The following LRRIQ3 variants were observed in gnomAD, a reference collection of about 807,000 sequenced individuals.
LRRIQ3 encodes leucine-rich repeat and IQ domain-containing protein 3.
LRRIQ3 carries 75 observed loss-of-function variants against 59.3 expected under a neutral mutation model. The observed-to-expected ratio is 1.26, with a 90% CI of 1.05 to 1.53. The LOEUF (loss-of-function observed/expected upper bound fraction) is 1.53. LRRIQ3 is among the 40% of genes most tolerant of loss of function. The probability of loss-of-function intolerance (pLI) is 0.00; values close to 1 mark genes in which losing one functional copy is unlikely to be tolerated. For synonymous variants in LRRIQ3, 250 were observed against 231.3 expected, an observed-to-expected ratio of 1.08 and a Z score of -0.73; for missense variants, 831 against 710.0, an observed-to-expected ratio of 1.17 and a Z score of -1.94.
intron 5 of LRRIQ3, among the ~76,000 whole-genome samples, chr1:74,090,513 T>C (rs979681098): frequency 2.0e-5 from 3 of 151,966 alleles, no homozygotes; most frequent in Non-Finnish European, 4.4e-5. Context: ...GAAAATAAAA[T>C]TTGGAGAGTA....
rs1296509239 is a variant in LRRIQ3 at position 74,161,522 on chromosome 1, T to A, written c.574-5656A>T. ...GTGGCTTAGGATTAAAGGGGTTGAGTGTAATGATGTAAAAGTGCATAAGTG... is the reference window on the plus strand; with the variant it reads ...GTGGCTTAGGATTAAAGGGGTTGAGAGTAATGATGTAAAAGTGCATAAGTG... On this transcript the variant is annotated intron_variant, in intron 3 of 7. Transcript: ENST00000354431. 2.6e-5 allele frequency among the ~76,000 whole-genome samples: 4 copies of A among 151,868 alleles called. No individual in the cohort carries two copies. The Admixed American group carries it at 2.6e-4, about 10-fold the overall frequency.
intron 2 of LRRIQ3, 92 bp downstream of exon 2, chr1:74,183,344 G>T: frequency 8.9e-7 from 1 of 1,122,350 alleles, no homozygotes; most frequent in Non-Finnish European, 1.2e-6. Flanking sequence ...AAAAGACCAT[G>T]TTGAAGAAAT....
At chr1:74,098,460 C>T (rs1646481482) in intron 5 of LRRIQ3, among the ~76,000 whole-genome samples, 2 of 152,206 alleles carry the variant, frequency 1.3e-5, no homozygotes, top group Admixed American at 6.5e-5. Context: ...TAATGTGAGA[C>T]TTTAACTCCC....
intron 5 of LRRIQ3, among the ~76,000 whole-genome samples, chr1:74,088,126 A>G (rs1276113053): frequency 1.3e-5 from 2 of 151,880 alleles, no homozygotes; most frequent in African/African-American, 4.8e-5. Context: ...AAAAAAAAAC[A>G]ATTGTCTCTC....
At chr1:74,160,751 G>A (rs893533163) in intron 3 of LRRIQ3, among the ~76,000 whole-genome samples, 3 of 152,024 alleles carry the variant, frequency 2.0e-5, no homozygotes, top group South Asian at 4.1e-4. Context: ...GCTCTCACAC[G>A]AGTCCTATCA....
chr1:74,179,322 C>G (rs1649839735), intron 3 of LRRIQ3, among the ~76,000 whole-genome samples: 1 of 151,852 alleles, frequency 6.6e-6, no homozygotes, highest in Admixed American at 6.6e-5. Flanking sequence ...TTTTATGTCA[C>G]AATTAAGGAT....
intron 1 of LRRIQ3, among the ~76,000 whole-genome samples, chr1:74,184,349 T>C (rs1395439846): frequency 6.6e-6 from 1 of 152,144 alleles, no homozygotes; most frequent in Admixed American, 6.5e-5. Context: ...ACAGTATTTC[T>C]CATATATGTG....
chr1:74,030,955 A>G (rs1288313352), intron 7 of LRRIQ3, among the ~76,000 whole-genome samples: 1 of 152,216 alleles, frequency 6.6e-6, no homozygotes, highest in Non-Finnish European at 1.5e-5. Context: ...GGCAAAGGAT[A>G]TAAACAGACA....
intron 6 of LRRIQ3, among the ~76,000 whole-genome samples, chr1:74,060,464 T>C (rs1330204706): frequency 6.6e-6 from 1 of 152,052 alleles, no homozygotes; most frequent in Non-Finnish European, 1.5e-5. Flanking sequence ...TTTGCATTTT[T>C]AATACAGGTG....
At chr1:74,180,564 A>T in intron 3 of LRRIQ3, 1 of 628,022 alleles carries the variant, frequency 1.6e-6, no homozygotes, top group Non-Finnish European at 2.6e-6. Flanking sequence ...TTTCTGTCCC[A>T]GTTATCCAGC....
intron 1 of LRRIQ3, among the ~76,000 whole-genome samples, chr1:74,186,932 C>T (rs555526656): frequency 6.6e-6 from 1 of 151,672 alleles, no homozygotes; most frequent in Admixed American, 6.6e-5. Context: ...TAGCTTTAAT[C>T]AATGACTATT....
chr1:74,035,953 C>T (rs895449980), intron 7 of LRRIQ3, among the ~76,000 whole-genome samples: 1 of 152,166 alleles, frequency 6.6e-6, no homozygotes, highest in African/African-American at 2.4e-5. Context: ...AACAATTGTA[C>T]TTCTCCTACT....
chr1:74,163,091 C>A lies in LRRIQ3; in HGVS notation c.574-7225G>T, dbSNP rs143900255. Among the ~76,000 whole-genome samples the A allele has an allele frequency of 3.5e-3, 532 of 151,498 alleles. 8 individuals carry two copies. The highest frequency in any genetic ancestry group is 0.012 in the African/African-American group (496 of 41,430). On this transcript the variant is annotated intron_variant, in intron 3 of 7. Coordinates refer to ENST00000354431, the MANE Select transcript of LRRIQ3 (RefSeq NM_001105659.2). Reference sequence around the variant, plus strand: ...ACTATACACTATATATTTTGAAACACCATGAATGCCATAAATATGTACAAT... The same window carrying A: ...ACTATACACTATATATTTTGAAACAACATGAATGCCATAAATATGTACAAT...
intron 3 of LRRIQ3, among the ~76,000 whole-genome samples, chr1:74,170,199 GT>G (rs1404381771): frequency 2.0e-5 from 3 of 152,220 alleles, no homozygotes; most frequent in East Asian, 1.9e-4. Context: ...TTAATGGACT[GT>G]TTTTGCTTTT....
At chr1:74,039,973 T>C (rs1399949748) in intron 7 of LRRIQ3, among the ~76,000 whole-genome samples, 2 of 152,110 alleles carry the variant, frequency 1.3e-5, no homozygotes, top group Non-Finnish European at 2.9e-5. Context: ...AATGCCCCAA[T>C]TAAAAGACAC....
In LRRIQ3 at chr1:74,118,351, GC is replaced by G. The variant is rs560588709; in HGVS notation, c.708-8799del. 1.9e-3 allele frequency among the ~76,000 whole-genome samples: 283 copies of G among 151,940 alleles called. 1 individual carries two copies. Among genetic ancestry groups the G allele is most frequent in the Admixed American group, 3.5e-3 (53 of 15,244 alleles). On this transcript the variant is annotated intron_variant, in intron 4 of 7. Coordinates refer to ENST00000354431, the MANE Select transcript of LRRIQ3 (RefSeq NM_001105659.2). ...GTTAAATGTATTTTTTTTGTAACTT[GC>G]TTTTCTAACTTAATACATTTCTGAA...
chr1:74,153,122 A>G (rs949578097), intron 4 of LRRIQ3, among the ~76,000 whole-genome samples: 16 of 152,170 alleles, frequency 1.1e-4, no homozygotes, highest in African/African-American at 3.9e-4. Flanking sequence ...ACAACCCATC[A>G]AGACAACCAA....
At chr1:74,091,679 G>A (rs1646396215) in intron 5 of LRRIQ3, among the ~76,000 whole-genome samples, 1 of 152,012 alleles carries the variant, frequency 6.6e-6, no homozygotes, top group Admixed American at 6.6e-5. Flanking sequence ...CCTATAGCAA[G>A]ATTTTTGACA....
In LRRIQ3 at chr1:74,041,396, G is replaced by A. The variant is rs1289974372; in HGVS notation, c.1535C>T (p.Ala512Val). Reference sequence around the variant, plus strand: ...GTTTTGAACTAATAAACGCTCTGAAGCCTTTTGGGATTTTTCTTTTAGAAA... The same window carrying A: ...GTTTTGAACTAATAAACGCTCTGAAACCTTTTGGGATTTTTCTTTTAGAAA... ...ALFLKEKSQKASERLLVQNLN... is the reference protein window; with the variant it reads ...ALFLKEKSQKVSERLLVQNLN... Residue 512 changes from alanine (A) to valine (V), a missense_variant, in exon 7 of 8, where the codon GCT becomes GTT. Coordinates refer to ENST00000354431, the MANE Select transcript of LRRIQ3 (RefSeq NM_001105659.2). 11 of 1,613,670 alleles carry A rather than the reference G, an allele frequency of 6.8e-6. No individual in the cohort carries two copies. Among genetic ancestry groups the A allele is most frequent in the Non-Finnish European group, 8.5e-6 (10 of 1,179,898 alleles).
Sources: allele counts gnomAD v4.1 joint callset (sites outside exome capture counted in the v4.1 genomes callset), GRCh38; gene constraint gnomAD v4.1.1; transcripts MANE v1.5; gene names NCBI Gene and HGNC (gene_info 2026-07-23, HGNC 2026-07-21).